The following HS3ST5 variants were observed in gnomAD, a reference collection of about 807,000 sequenced individuals.
The protein encoded by HS3ST5 is heparan sulfate glucosamine 3-O-sulfotransferase 5.
Under a neutral mutation model 25.4 loss-of-function variants are expected in HS3ST5, and 10 were observed. The observed-to-expected ratio is 0.39, with a 90% CI of 0.24 to 0.67. The LOEUF (loss-of-function observed/expected upper bound fraction) is 0.67. Ranked by LOEUF, HS3ST5 falls within the 30% of genes least tolerant of loss-of-function variation. The probability of loss-of-function intolerance (pLI) is 0.44; values close to 1 mark genes in which losing one functional copy is unlikely to be tolerated. For missense variants in HS3ST5, 324 were observed against 420.7 expected (o/e 0.77, Z 2.01); for synonymous variants, 170 against 162.4 (o/e 1.05, Z -0.36).
At chr6:114,107,813 A>C (rs1162643442) in intron 3 of HS3ST5, among the ~76,000 whole-genome samples, 1 of 152,242 alleles carries the variant, frequency 6.6e-6, no homozygotes, top group African/African-American at 2.4e-5. Context: ...GTACACTGAT[A>C]ATTAAAAAGC....
chr6:114,081,451 T>C (rs1418711937), intron 3 of HS3ST5, among the ~76,000 whole-genome samples: 2 of 152,194 alleles, frequency 1.3e-5, no homozygotes. Flanking sequence ...AAGTAATTTT[T>C]GTAAAAGTAC....
intron 1 of HS3ST5, among the ~76,000 whole-genome samples, chr6:114,262,750 T>C (rs957323344): frequency 1.3e-5 from 2 of 152,186 alleles, no homozygotes; most frequent in Admixed American, 1.3e-4. Flanking sequence ...AAAAGGAACT[T>C]AAAAACTCAA....
intron 1 of HS3ST5, among the ~76,000 whole-genome samples, chr6:114,263,837 A>G (rs1289533962): frequency 6.6e-6 from 1 of 152,176 alleles, no homozygotes; most frequent in Admixed American, 6.5e-5. Flanking sequence ...TGTCAATCAT[A>G]GTAATTAAGG....
At chr6:114,338,054 C>T (rs899894435) in intron 1 of HS3ST5, among the ~76,000 whole-genome samples, 9 of 151,920 alleles carry the variant, frequency 5.9e-5, no homozygotes, top group African/African-American at 2.2e-4. Flanking sequence ...CATTGTCAGG[C>T]ACATAATAAA....
intron 1 of HS3ST5, among the ~76,000 whole-genome samples, chr6:114,263,845 A>T (rs1773285335): frequency 6.6e-6 from 1 of 152,178 alleles, no homozygotes; most frequent in Non-Finnish European, 1.5e-5. Context: ...ATAGTAATTA[A>T]GGACTGAAAA....
intron 3 of HS3ST5, among the ~76,000 whole-genome samples, chr6:114,161,003 TG>T (rs944475610): frequency 4.6e-5 from 7 of 152,182 alleles, no homozygotes; most frequent in African/African-American, 1.7e-4. Flanking sequence ...AAAGGACACC[TG>T]GGTGGGTAGG....
intron 1 of HS3ST5, among the ~76,000 whole-genome samples, chr6:114,260,603 T>C (rs1422067898): frequency 6.6e-6 from 1 of 152,240 alleles, no homozygotes; most frequent in Non-Finnish European, 1.5e-5. Flanking sequence ...CTAGTAACCA[T>C]AGCTATCATT....
intron 2 of HS3ST5, among the ~76,000 whole-genome samples, chr6:114,190,819 T>G (rs1269874127): frequency 2.0e-5 from 3 of 152,228 alleles, no homozygotes; most frequent in African/African-American, 7.2e-5. Flanking sequence ...ATTGTGAAGA[T>G]AACTTTTTGG....
chr6:114,177,301 T>C (rs1779765954), intron 2 of HS3ST5, among the ~76,000 whole-genome samples: 1 of 152,224 alleles, frequency 6.6e-6, no homozygotes, highest in African/African-American at 2.4e-5. Context: ...CCATACCTTT[T>C]CCTCCTTTAA....
intron 1 of HS3ST5, among the ~76,000 whole-genome samples, chr6:114,332,665 CAG>C (rs1470690659): frequency 6.6e-6 from 1 of 151,920 alleles, no homozygotes; most frequent in East Asian, 1.9e-4. Flanking sequence ...GTGTGCGTGA[CAG>C]GGGAATAACA....
intron 3 of HS3ST5, among the ~76,000 whole-genome samples, chr6:114,064,906 C>G (rs889653175): frequency 6.6e-6 from 1 of 151,982 alleles, no homozygotes; most frequent in Admixed American, 6.6e-5. Flanking sequence ...ACATGAGGGA[C>G]TGAGGAGGGA....
chr6:114,213,346 TG>T (rs1333844718), intron 2 of HS3ST5, among the ~76,000 whole-genome samples: 2 of 4,496 alleles, frequency 4.4e-4, no homozygotes, highest in Non-Finnish European at 1.0e-3. Context: ...GCGGCGGGGG[TG>T]GGGGGGTGGG....
At chr6:114,098,582 A>G (rs995214821) in intron 3 of HS3ST5, among the ~76,000 whole-genome samples, 2 of 149,444 alleles carry the variant, frequency 1.3e-5, no homozygotes, top group African/African-American at 4.9e-5. Flanking sequence ...AAATGATTAT[A>G]TATTTGAAAT....
chr6:114,323,681 ATACAATGTGTATTCAACCAG>A, intron 1 of HS3ST5, among the ~76,000 whole-genome samples: 1 of 152,286 alleles, frequency 6.6e-6, no homozygotes, highest in Middle Eastern at 3.4e-3. Flanking sequence ...ATGATGTGGC[ATACAATGTGTATTCAACCAG>A]TACAAATCTC....
intron 2 of HS3ST5, among the ~76,000 whole-genome samples, chr6:114,176,237 T>C (rs1359542857): frequency 6.6e-6 from 1 of 151,388 alleles, no homozygotes; most frequent in Non-Finnish European, 1.5e-5. Context: ...TCTGAGGAAT[T>C]TGAGTTCTCC....
At chr6:114,153,694 G>GT (rs1778566618) in intron 3 of HS3ST5, among the ~76,000 whole-genome samples, 1 of 152,118 alleles carries the variant, frequency 6.6e-6, no homozygotes, top group East Asian at 1.9e-4. Flanking sequence ...TTTCACCTTG[G>GT]TTTTTTCTGT....
intron 3 of HS3ST5, among the ~76,000 whole-genome samples, chr6:114,073,459 C>G (rs180979142): frequency 6.6e-6 from 1 of 151,986 alleles, no homozygotes; most frequent in African/African-American, 2.4e-5. Flanking sequence ...AAAACAAACC[C>G]CATCAAAAAG....
chr6:114,169,876 A>C (rs1779394330), intron 2 of HS3ST5, among the ~76,000 whole-genome samples: 1 of 152,196 alleles, frequency 6.6e-6, no homozygotes, highest in Non-Finnish European at 1.5e-5. Flanking sequence ...ATTTAGTTCA[A>C]GGAACAAAAC....
At chr6:114,191,395 T>G (rs1463084005) in intron 2 of HS3ST5, among the ~76,000 whole-genome samples, 1 of 152,108 alleles carries the variant, frequency 6.6e-6, no homozygotes, top group South Asian at 2.1e-4. Flanking sequence ...CACATGAAAA[T>G]AGGCCGCTTG....
Sources: gnomAD v4.1 joint callset for allele counts (sites outside exome capture counted in the v4.1 genomes callset) on GRCh38, gnomAD v4.1.1 for gene constraint, MANE v1.5 for transcripts, NCBI Gene and HGNC (gene_info 2026-07-23, HGNC 2026-07-21) for gene names.